AGAP1: variants seen among roughly 807,000 people sequenced by gnomAD.
AGAP1 encodes the protein arf-GAP with GTPase, ANK repeat and PH domain-containing protein 1.
Under a neutral mutation model 105.3 loss-of-function variants are expected in AGAP1, and 29 were observed. The observed-to-expected ratio is 0.28, with a 90% CI of 0.21 to 0.38. The LOEUF (loss-of-function observed/expected upper bound fraction) is 0.38. Ranked by LOEUF, AGAP1 falls within the 10% of genes least tolerant of loss-of-function variation. The pLI, the probability that AGAP1 is intolerant of heterozygous loss-of-function variation, is 1.00. For synonymous variants in AGAP1, 509 were observed against 485.9 expected (o/e 1.05, Z -0.63); for missense variants, 998 against 1,165.1 (o/e 0.86, Z 2.09).
intron 12 of AGAP1, among the ~76,000 whole-genome samples, chr2:235,942,634 T>C (rs528723355): frequency 1.6e-4 from 24 of 151,746 alleles, no homozygotes; most frequent in Admixed American, 7.9e-4. Flanking sequence ...ATCATGCCAT[T>C]GCACTCCAGC....
At chr2:235,523,803 C>T (rs1942718905) in intron 1 of AGAP1, among the ~76,000 whole-genome samples, 1 of 147,240 alleles carries the variant, frequency 6.8e-6, no homozygotes, top group African/African-American at 2.5e-5. Context: ...GCTTCCCTGC[C>T]CTTCCAGTGG....
intron 2 of AGAP1, among the ~76,000 whole-genome samples, chr2:235,709,520 GGT>G (rs1162266423): frequency 6.8e-5 from 10 of 146,760 alleles, no homozygotes; most frequent in East Asian, 4.3e-4. Context: ...ACATCTCGTG[GGT>G]GTGTGTGTGT....
At chr2:236,052,382 T>A (rs2057926944) in intron 16 of AGAP1, among the ~76,000 whole-genome samples, 2 of 152,062 alleles carry the variant, frequency 1.3e-5, no homozygotes, top group South Asian at 4.1e-4. Flanking sequence ...CAGATCTTCC[T>A]CCAAAGAGAC....
At chr2:235,649,777 C>T (rs1382659649) in intron 1 of AGAP1, among the ~76,000 whole-genome samples, 3 of 152,226 alleles carry the variant, frequency 2.0e-5, no homozygotes, top group Admixed American at 6.5e-5. Context: ...GGTAACGATA[C>T]TGTAATGTAC....
intron 12 of AGAP1, 106 bp from the exon 13 acceptor site, chr2:235,968,356 G>C (rs2054490963): frequency 2.2e-6 from 3 of 1,385,524 alleles, no homozygotes; most frequent in South Asian, 3.0e-5. Flanking sequence ...TGCAGGGCCT[G>C]TGTGGTATGA....
intron 6 of AGAP1, among the ~76,000 whole-genome samples, chr2:235,781,783 AC>A (rs994204788): frequency 6.6e-6 from 1 of 151,368 alleles, no homozygotes; most frequent in Admixed American, 6.6e-5. Flanking sequence ...TGTTCCCATC[AC>A]CAGTTGGCTT....
At chr2:235,798,870 C>CAAAAAAA (rs1041317180) in intron 7 of AGAP1, among the ~76,000 whole-genome samples, 4 of 49,004 alleles carry the variant, frequency 8.2e-5, no homozygotes, top group Non-Finnish European at 1.4e-4. Flanking sequence ...GACCCTGTCT[C>CAAAAAAA]AAAAAAAAAA....
At chr2:236,106,765 G>A (rs1175930669) in intron 16 of AGAP1, among the ~76,000 whole-genome samples, 2 of 152,138 alleles carry the variant, frequency 1.3e-5, no homozygotes, top group Admixed American at 6.6e-5. Context: ...TGCAGGTCTC[G>A]CAGGAGTAGG....
At chr2:235,688,735 T>G (rs1237534806) in intron 1 of AGAP1, among the ~76,000 whole-genome samples, 2 of 152,184 alleles carry the variant, frequency 1.3e-5, no homozygotes, top group Non-Finnish European at 2.9e-5. Context: ...TGTGTATTCA[T>G]TTTGCATTGG....
In AGAP1 at chr2:236,089,206, A is replaced by G. The variant is rs1334904556; in HGVS notation, c.2115-30986A>G. On this transcript the variant is annotated intron_variant, in intron 16 of 17. Coordinates refer to ENST00000304032, the MANE Select transcript of AGAP1 (RefSeq NM_001037131.3). The surrounding 1 kb of genome is among the most constrained non-coding windows in gnomAD (Gnocchi z 5.6). ...GATGAGGTCTTTTCAAAGCACATAC[A>G]GTTGTGTGATTTTTATTTCCCCAAG... 1.3e-5 allele frequency among the ~76,000 whole-genome samples: 2 copies of G among 152,240 alleles called. No homozygotes were observed. Among genetic ancestry groups the G allele is most frequent in the Non-Finnish European group, 2.9e-5 (2 of 68,038 alleles).
At chr2:235,649,221 A>G (rs944343421) in intron 1 of AGAP1, among the ~76,000 whole-genome samples, 6 of 152,138 alleles carry the variant, frequency 3.9e-5, no homozygotes, top group African/African-American at 1.4e-4. Context: ...CAGTGGGAAC[A>G]TCAGTCTTTC....
intron 1 of AGAP1, among the ~76,000 whole-genome samples, chr2:235,495,609 G>C (rs1941281997): frequency 6.6e-6 from 1 of 152,258 alleles, no homozygotes; most frequent in African/African-American, 2.4e-5. Context: ...ATCCCCACCC[G>C]CTTCCCTCTG....
rs937874027 is a variant in AGAP1, at chr2:236,020,704, G to A, written c.1646-15857G>A. On this transcript the variant is annotated intron_variant, in intron 13 of 17. Coordinates refer to ENST00000304032, the MANE Select transcript of AGAP1 (RefSeq NM_001037131.3). This position sits in a 1 kb window ranked among gnomAD's most constrained non-coding sequence, Gnocchi z 5.0. ...AGCTGGGCACATAGGGAAGCTGGCCGCCGTGGCTGCTATTAAATTGCTATA... is the reference window on the plus strand; with the variant it reads ...AGCTGGGCACATAGGGAAGCTGGCCACCGTGGCTGCTATTAAATTGCTATA... Among the ~76,000 whole-genome samples the A allele has an allele frequency of 7.2e-5, 11 of 152,330 alleles. No homozygotes were observed. The East Asian group carries it at 7.7e-4, about 11-fold the overall frequency.
intron 6 of AGAP1, among the ~76,000 whole-genome samples, chr2:235,772,534 G>T (rs1334536327): frequency 6.6e-6 from 1 of 152,190 alleles, no homozygotes; most frequent in Non-Finnish European, 1.5e-5. Context: ...TAAACTCTGG[G>T]CTGGACCACA....
At chr2:235,781,249 A>C (rs897143535) in intron 6 of AGAP1, among the ~76,000 whole-genome samples, 2 of 152,224 alleles carry the variant, frequency 1.3e-5, no homozygotes, top group Admixed American at 6.5e-5. Context: ...AAGTCATTAG[A>C]CTTCACTCAT....
At position 235,927,134 on chromosome 2, in the gene AGAP1, A is replaced by G. The variant is rs759340164; in HGVS notation, c.1325-3631A>G. ...AAATTCAGTCATGCTGTTTCAGTGT[A>G]GTCCCGCAGTGGGAAGTGGGTGTGG... On this transcript the variant is annotated intron_variant, in intron 11 of 17. Coordinates refer to ENST00000304032, the MANE Select transcript of AGAP1 (RefSeq NM_001037131.3). This position sits in a 1 kb window ranked among gnomAD's most constrained non-coding sequence, Gnocchi z 4.4. 6.7e-4 allele frequency among the ~76,000 whole-genome samples: 102 copies of G among 152,164 alleles called. No individual in the cohort carries two copies. Among genetic ancestry groups the G allele is most frequent in the Non-Finnish European group, 2.6e-4 (18 of 68,026 alleles).
intron 1 of AGAP1, among the ~76,000 whole-genome samples, chr2:235,708,658 A>G (rs1950670144): frequency 6.6e-6 from 1 of 152,228 alleles, no homozygotes. Flanking sequence ...CAAACACTGA[A>G]GTGTTAACTT....
chr2:235,585,757 T>G (rs1315032645), intron 1 of AGAP1, among the ~76,000 whole-genome samples: 1 of 152,160 alleles, frequency 6.6e-6, no homozygotes, highest in Non-Finnish European at 1.5e-5. Flanking sequence ...ACAGGTGCAT[T>G]CAAACCAATC....
At position 235,979,684 on chromosome 2, in the gene AGAP1, G is replaced by A. The variant is rs115531164; in HGVS notation, c.1645+11061G>A. On this transcript the variant is annotated intron_variant, in intron 13 of 17. Transcript: ENST00000304032. The surrounding 1 kb of genome is among the most constrained non-coding windows in gnomAD (Gnocchi z 4.5). ...GTGCACGTGGGACATGGAGAAAATT[G>A]GCCATTTGTCTGTGGGGTAATGGGC... 2.9e-3 allele frequency among the ~76,000 whole-genome samples: 445 copies of A among 152,216 alleles called. 1 individual carries two copies. Among genetic ancestry groups the A allele is most frequent in the Non-Finnish European group, 4.9e-3 (331 of 68,016 alleles).
Sources: allele counts gnomAD v4.1 joint callset (sites outside exome capture counted in the v4.1 genomes callset), GRCh38; gene constraint gnomAD v4.1.1; non-coding constraint Gnocchi (gnomAD v3.1); transcripts MANE v1.5; gene names NCBI Gene and HGNC (gene_info 2026-07-23, HGNC 2026-07-21).